LRRC7: variants seen among roughly 807,000 people sequenced by gnomAD.
The protein encoded by LRRC7 is leucine-rich repeat-containing protein 7.
In LRRC7, 23 loss-of-function variants were observed where a neutral mutation model predicts 175.7. The observed-to-expected ratio is 0.13, with a 90% confidence interval of 0.09 to 0.19. LRRC7 has a LOEUF of 0.19. LRRC7 is among the 10% of genes least tolerant of loss of function. LRRC7 has a pLI of 1.00. For synonymous variants in LRRC7, 685 were observed against 680.9 expected (o/e 1.01, Z -0.09); for missense variants, 1,354 against 1,904.7 (o/e 0.71, Z 5.38).
intron 1 of LRRC7, among the ~76,000 whole-genome samples, chr1:69,611,847 G>A (rs1648796262): frequency 6.6e-6 from 1 of 152,026 alleles, no homozygotes; most frequent in Non-Finnish European, 1.5e-5. Context: ...ACACAACAAA[G>A]CAAAGCATCA....
intron 4 of LRRC7, among the ~76,000 whole-genome samples, chr1:69,809,624 G>T (rs556180032): frequency 6.6e-6 from 1 of 152,094 alleles, no homozygotes; most frequent in Non-Finnish European, 1.5e-5. Flanking sequence ...TTCAACACAC[G>T]CAAATCAGCA....
intron 1 of LRRC7, among the ~76,000 whole-genome samples, chr1:69,603,288 A>G (rs1313333025): frequency 6.6e-6 from 1 of 152,218 alleles, no homozygotes; most frequent in Non-Finnish European, 1.5e-5. Context: ...TGAGGCAATT[A>G]TTCAATCCAC....
intron 11 of LRRC7, among the ~76,000 whole-genome samples, chr1:69,998,534 T>C (rs1191189961): frequency 6.6e-6 from 1 of 152,174 alleles, no homozygotes; most frequent in Non-Finnish European, 1.5e-5. Context: ...AAAGTAATTA[T>C]CTTTATCAGC....
At chr1:69,923,026 T>C (rs1254250938) in intron 7 of LRRC7, among the ~76,000 whole-genome samples, 1 of 151,984 alleles carries the variant, frequency 6.6e-6, no homozygotes, top group Non-Finnish European at 1.5e-5. Context: ...GTCCATGTGC[T>C]CTCATTGTTC....
At chr1:70,117,335 A>G (rs1317126892) in intron 26 of LRRC7, among the ~76,000 whole-genome samples, 1 of 152,240 alleles carries the variant, frequency 6.6e-6, no homozygotes. Flanking sequence ...ATAAACATCT[A>G]TAATTTATCC....
intron 4 of LRRC7, among the ~76,000 whole-genome samples, chr1:69,792,762 T>C (rs888089564): frequency 2.6e-5 from 4 of 152,132 alleles, no homozygotes; most frequent in Non-Finnish European, 5.9e-5. Context: ...GTTTTTGTTG[T>C]ATTTCTGGAC....
At chr1:69,828,205 T>C (rs372405037) in intron 5 of LRRC7, among the ~76,000 whole-genome samples, 14 of 152,260 alleles carry the variant, frequency 9.2e-5, no homozygotes, top group African/African-American at 3.4e-4. Flanking sequence ...TGTTTCCAGT[T>C]TTTGGCTATT....
At chr1:69,678,536 T>C in intron 2 of LRRC7, 58 bp downstream of exon 2, 1 of 1,158,844 alleles carries the variant, frequency 8.6e-7, no homozygotes, top group Non-Finnish European at 1.3e-6. Flanking sequence ...AGTAGCATAG[T>C]AAAATGAAAT....
intron 4 of LRRC7, among the ~76,000 whole-genome samples, chr1:69,815,292 G>T (rs1293022672): frequency 6.6e-6 from 1 of 152,086 alleles, no homozygotes; most frequent in Non-Finnish European, 1.5e-5. Flanking sequence ...TAAAAATTTG[G>T]GGAACTTGAA....
At chr1:70,011,287 A>T (rs933588383) in intron 11 of LRRC7, among the ~76,000 whole-genome samples, 4 of 152,164 alleles carry the variant, frequency 2.6e-5, no homozygotes, top group African/African-American at 9.6e-5. Context: ...AATGGGCTTT[A>T]AAATATTACA....
chr1:69,795,912 G>GTTTT (rs781358321), intron 4 of LRRC7, among the ~76,000 whole-genome samples: 280 of 149,474 alleles, frequency 1.9e-3, no homozygotes, highest in African/African-American at 5.3e-3. Flanking sequence ...TTTTTTTTGG[G>GTTTT]TTTTTTTTTG....
intron 8 of LRRC7, among the ~76,000 whole-genome samples, chr1:69,941,885 TTCCTC>T (rs775072925): frequency 5.9e-5 from 9 of 152,138 alleles, no homozygotes; most frequent in Non-Finnish European, 8.8e-5. Context: ...AATCCAGTCT[TTCCTC>T]TAACATGATT....
intron 3 of LRRC7, among the ~76,000 whole-genome samples, chr1:69,776,934 C>A (rs1198102073): frequency 6.6e-6 from 1 of 151,806 alleles, no homozygotes; most frequent in Middle Eastern, 3.2e-3. Context: ...GGTTTTTTTC[C>A]TATTTTTTGA....
intron 7 of LRRC7, among the ~76,000 whole-genome samples, chr1:69,914,007 C>T (rs978008905): frequency 6.6e-6 from 1 of 152,142 alleles, no homozygotes; most frequent in South Asian, 2.1e-4. Flanking sequence ...CCATTAAACA[C>T]AGGACACAGA....
intron 3 of LRRC7, among the ~76,000 whole-genome samples, chr1:69,777,518 C>A (rs761519336): frequency 2.0e-5 from 3 of 152,172 alleles, no homozygotes; most frequent in Non-Finnish European, 2.9e-5. Flanking sequence ...CAGCTCAGCC[C>A]AGTCTCTCAG....
At chr1:69,613,769 C>G (rs1615332) in intron 1 of LRRC7, among the ~76,000 whole-genome samples, 19,453 of 151,932 alleles carry the variant, frequency 0.13, 1,573 homozygotes, top group South Asian at 0.19. Context: ...GAAGCATTTT[C>G]ATAACTGCTG....
chr1:69,810,594 A>C (rs1049115400), intron 4 of LRRC7, among the ~76,000 whole-genome samples: 2 of 152,166 alleles, frequency 1.3e-5, no homozygotes, highest in African/African-American at 4.8e-5. Flanking sequence ...AATAGAACAG[A>C]ATACAGGCCT....
At chr1:69,846,269 C>T (rs1004836116) in intron 7 of LRRC7, among the ~76,000 whole-genome samples, 1 of 152,068 alleles carries the variant, frequency 6.6e-6, no homozygotes, top group Non-Finnish European at 1.5e-5. Context: ...TATTTTTAAA[C>T]TTATACTCTC....
At chr1:69,888,862 A>G (rs985957108) in intron 7 of LRRC7, among the ~76,000 whole-genome samples, 5 of 152,206 alleles carry the variant, frequency 3.3e-5, no homozygotes, top group African/African-American at 4.8e-5. Context: ...GTACAGCATA[A>G]GAATATATTG....
Sources: allele counts gnomAD v4.1 joint callset (sites outside exome capture counted in the v4.1 genomes callset), GRCh38; gene constraint gnomAD v4.1.1; transcripts MANE v1.5; gene names NCBI Gene and HGNC (gene_info 2026-07-23, HGNC 2026-07-21).